Variants in LONP1 observed in about 807,000 individuals in gnomAD.
LONP1 encodes lon peptidase 1, mitochondrial, also known as lon protease homolog, mitochondrial.
A neutral mutation model predicts 98.5 loss-of-function variants in LONP1; 31 were observed. That is an observed-to-expected ratio of 0.31 (90% CI 0.24 to 0.42). The LOEUF (loss-of-function observed/expected upper bound fraction) is 0.42. LONP1 is among the 20% of genes least tolerant of loss of function. LONP1 has a pLI of 1.00. For synonymous variants in LONP1, 781 were observed against 594.7 expected, an observed-to-expected ratio of 1.31 and a Z score of -4.56; for missense variants, 1,336 against 1,350.6, an observed-to-expected ratio of 0.99 and a Z score of 0.17.
chr19:5,713,342 G>T, intron 2 of LONP1, 89 bp from the exon 3 acceptor site: 10 of 1,289,300 alleles, frequency 7.8e-6, no homozygotes, highest in East Asian at 2.8e-5. Flanking sequence ...GGAGAGAAAA[G>T]AAACGCCCCT....
At chr19:5,707,604 T>A in intron 6 of LONP1, 93 bp downstream of exon 6, 2 of 1,396,204 alleles carry the variant, frequency 1.4e-6, no homozygotes, top group Non-Finnish European at 2.0e-6. Context: ...ATGGGGGAGC[T>A]GAGGAGGAAC....
chr19:5,719,934 C>T lies in LONP1; in HGVS notation c.199G>A (p.Gly67Arg), dbSNP rs746405694. ...CCGCGGCTGCTCGCTTCCCAAAACC[C>T]CCGCCATTGGCCCCCAATTGCCGGG... ...RGPAIGGQWR[G>R]FWEASSRGGG... is the part of the protein sequence containing the mutation. Residue 67 changes from glycine to arginine, a missense_variant, in exon 1 of 18, where the codon GGG becomes AGG. By Grantham distance (125) the Gly-to-Arg change is moderately radical. Around this residue, in one of 5 missense-constraint regions of LONP1, gnomAD observed 457 missense variants for 403.1 expected, o/e 1.13. Transcript: ENST00000360614. 3 of 1,558,598 alleles carry T rather than the reference C, an allele frequency of 1.9e-6. No individual in the cohort carries two copies. In the South Asian group the frequency reaches 3.5e-5, roughly 18 times the overall value.
chr19:5,706,699 T>C (rs764528966), intron 7 of LONP1, among the ~76,000 whole-genome samples: 1 of 152,184 alleles, frequency 6.6e-6, no homozygotes, highest in African/African-American at 2.4e-5. Context: ...CGAGCCTCAA[T>C]GGCTGGGTCT....
At chr19:5,720,374 G>A (rs2145647477), upstream of LONP1, 4 of 621,102 alleles carry the variant, frequency 6.4e-6, no homozygotes, top group South Asian at 4.8e-5. Flanking sequence ...CTGTGAGCAG[G>A]CGCCAGCGCC....
At position 5,692,000 on chromosome 19, in the gene LONP1, G is replaced by GACATCCAGTTCTGGCCCAGACAGGGCCTC; in HGVS notation, c.*31_*32insGAGGCCCTGTCTGGGCCAGAACTGGATGT. On this transcript the variant is annotated 3_prime_UTR_variant, in exon 18 of 18. Coordinates refer to ENST00000360614, the MANE Select transcript of LONP1 (RefSeq NM_004793.4). ...CTCAGTTCTGGCCCAGACAGGGCCTGACATCCGCCGCCTGCAGTCCCGGGG... is the reference window on the plus strand; with the variant it reads ...CTCAGTTCTGGCCCAGACAGGGCCTGACATCCAGTTCTGGCCCAGACAGGGCCTCACATCCGCCGCCTGCAGTCCCGGGG... The GACATCCAGTTCTGGCCCAGACAGGGCCTC allele has an allele frequency of 6.3e-7, 1 of 1,594,442 alleles. No homozygotes were observed.
At chr19:5,702,326 A>G (rs866455212) in intron 8 of LONP1, among the ~76,000 whole-genome samples, 82 of 123,688 alleles carry the variant, frequency 6.6e-4, no homozygotes, top group African/African-American at 2.0e-3. Flanking sequence ...CCCCCCGCCC[A>G]GCCAGCCGCC....
At chr19:5,707,615 G>A (rs189377435) in intron 6 of LONP1, 82 bp downstream of exon 6, 198 of 1,501,910 alleles carry the variant, frequency 1.3e-4, no homozygotes, top group Middle Eastern at 4.1e-4. Context: ...GAGGAGGAAC[G>A]GGGGCAGCCG....
At chr19:5,698,503 C>T (rs944791485) in intron 10 of LONP1, among the ~76,000 whole-genome samples, 1 of 152,224 alleles carries the variant, frequency 6.6e-6, no homozygotes, top group Non-Finnish European at 1.5e-5. Context: ...AGGGCCGTGG[C>T]CCCTGCTTCT....
At position 5,707,151 on chromosome 19, in the gene LONP1, G is replaced by C. The variant is rs775147510; in HGVS notation, c.1063-8C>G. 34 of 1,611,082 alleles carry C rather than the reference G, an allele frequency of 2.1e-5. No individual in the cohort carries two copies. In the South Asian group the frequency reaches 3.4e-4, roughly 16 times the overall value. On this transcript the variant is annotated splice_region_variant and splice_polypyrimidine_tract_variant and intron_variant, in intron 6 of 17. Coordinates refer to ENST00000360614, the MANE Select transcript of LONP1 (RefSeq NM_004793.4). ...GTACAGCCGCTTAGGAATCTGCCGA[G>C]ACAGGGAGGACAGAAAGGATGAGCA...
Position 5,707,758 on chromosome 19 carries a change from A to G in LONP1, c.1001T>C (p.Met334Thr), listed in dbSNP as rs765220287. The change falls in exon 6 of 18, where the codon ATG (methionine) becomes ACG (threonine). Residue 334 changes from methionine (M) to threonine (T), a missense_variant. Transcript: ENST00000360614. The stretch of plus-strand genomic sequence containing the variant: ...CTCGGCCCCGGTGAGCGCGGCGCCC[A>G]TGTCGCTCAGGTAGATGGGGTTGTC... ...VVDNPIYLSD[M>T]GAALTGAESH... 17 of 1,613,096 alleles carry G rather than the reference A, an allele frequency of 1.1e-5. No individual in the cohort carries two copies. Among genetic ancestry groups the G allele is most frequent in the Non-Finnish European group, 1.4e-5 (16 of 1,179,908 alleles).
At chr19:5,698,037 G>A (rs1414030623) in intron 10 of LONP1, among the ~76,000 whole-genome samples, 1 of 119,342 alleles carries the variant, frequency 8.4e-6, no homozygotes, top group African/African-American at 3.2e-5. Context: ...GCCCAACCAA[G>A]GGCCTGCAGA....
intron 17 of LONP1, 143 bp from the exon 18 acceptor site, chr19:5,692,351 G>A: frequency 1.4e-6 from 1 of 718,120 alleles, no homozygotes; most frequent in Non-Finnish European, 2.2e-6. Flanking sequence ...AAACCCACCA[G>A]GGTCCCCGTC....
In LONP1 at chr19:5,705,897, C is replaced by T; in HGVS notation, c.1242G>A (p.Lys414=). The T allele has an allele frequency of 6.2e-7, 1 of 1,614,156 alleles. No individual in the cohort carries two copies. Among genetic ancestry groups the T allele is most frequent in the South Asian group, 1.1e-5 (1 of 91,086 alleles). ...KKELGLEKDD[K]DAIEEKFRER... is the part of the protein sequence containing the mutation. ...CCCGGAACTTCTCCTCGATGGCATCCTTGTCGTCCTTCTCCAGGCCCAGCT... is the reference window on the plus strand; with the variant it reads ...CCCGGAACTTCTCCTCGATGGCATCTTTGTCGTCCTTCTCCAGGCCCAGCT... Residue 414 remains lysine, a synonymous_variant, in exon 8 of 18, where the codon AAG becomes AAA. Transcript: ENST00000360614.
intron 8 of LONP1, among the ~76,000 whole-genome samples, chr19:5,702,906 G>T (rs2055081047): frequency 6.6e-6 from 1 of 150,494 alleles, no homozygotes; most frequent in African/African-American, 2.4e-5. Context: ...CCTCTGCCTA[G>T]GAAAACCAGA....
chr19:5,716,259 C>CATACATATATATAT (rs1555714148), intron 1 of LONP1, among the ~76,000 whole-genome samples: 5 of 77,220 alleles, frequency 6.5e-5, no homozygotes, highest in Non-Finnish European at 1.2e-4. Flanking sequence ...TTAAAATATA[C>CATACATATATATAT]ATATATATAT....
intron 1 of LONP1, among the ~76,000 whole-genome samples, 194 bp from the exon 2 acceptor site, chr19:5,714,465 T>C (rs1232674287): frequency 2.7e-5 from 4 of 150,158 alleles, no homozygotes; most frequent in Non-Finnish European, 5.9e-5. Context: ...CCACCACACC[T>C]GGCTAATTTT....
At chr19:5,692,994 A>G (rs2054856549) in intron 17 of LONP1, among the ~76,000 whole-genome samples, 1 of 151,956 alleles carries the variant, frequency 6.6e-6, no homozygotes, top group South Asian at 2.1e-4. Flanking sequence ...CAGTAATCCT[A>G]AACGTCGTCC....
At position 5,719,797 on chromosome 19, in the gene LONP1, G is replaced by A; in HGVS notation, c.336C>T (p.Leu112=). The A allele has an allele frequency of 1.2e-6, 2 of 1,612,942 alleles. No individual in the cohort carries two copies. Among genetic ancestry groups the A allele is most frequent in the Middle Eastern group, 3.4e-4 (2 of 5,850 alleles). ...ACACATCGGGGATCGTCATGGGCGTGAGCGCCGTTATGACCGGGCCTTCCC... is the reference window on the plus strand; with the variant it reads ...ACACATCGGGGATCGTCATGGGCGTAAGCGCCGTTATGACCGGGCCTTCCC... ...GAGEGPVITA[L]TPMTIPDVFP... Residue 112 remains leucine (L), a synonymous_variant, in exon 1 of 18, where the codon CTC becomes CTT. Transcript: ENST00000360614.
intron 1 of LONP1, among the ~76,000 whole-genome samples, chr19:5,715,525 C>T (rs1599481258): frequency 6.7e-6 from 1 of 150,326 alleles, no homozygotes. Context: ...ACCTGTAGTC[C>T]CAGCTACTCG....
Sources: allele counts gnomAD v4.1 joint callset (sites outside exome capture counted in the v4.1 genomes callset), GRCh38; gene constraint gnomAD v4.1.1; regional missense constraint gnomAD v4.1.1; transcripts MANE v1.5; gene names NCBI Gene and HGNC (gene_info 2026-07-23, HGNC 2026-07-21).